The following VAV3 variants were observed in gnomAD, a reference collection of about 807,000 sequenced individuals.
VAV3 encodes the protein guanine nucleotide exchange factor VAV3.
A neutral mutation model predicts 131.2 loss-of-function variants in VAV3; 94 were observed. That is an observed-to-expected ratio of 0.72 (90% CI 0.61 to 0.85). VAV3 has a LOEUF of 0.85. VAV3 is among the 40% of genes least tolerant of loss of function. VAV3 has a pLI of 0.00. For synonymous variants in VAV3, 349 were observed against 342.0 expected (o/e 1.02, Z -0.22); for missense variants, 939 against 1,002.7 (o/e 0.94, Z 0.86).
rs2101798539 is a variant in VAV3 at position 107,694,074 on chromosome 1, A to G, written c.1706-5668T>C. 1.3e-5 allele frequency among the ~76,000 whole-genome samples: 2 copies of G among 152,320 alleles called. 1 individual carries two copies. Among genetic ancestry groups the G allele is most frequent in the South Asian group, 4.1e-4 (2 of 4,830 alleles). ...CCACTGAACTCACAGTAAACAGTGCATGTGTGAGAAATAAACTTTTATATC... is the reference window on the plus strand; with the variant it reads ...CCACTGAACTCACAGTAAACAGTGCGTGTGTGAGAAATAAACTTTTATATC... On this transcript the variant is annotated intron_variant, in intron 17 of 26. Coordinates refer to ENST00000370056, the MANE Select transcript of VAV3 (RefSeq NM_006113.5).
intron 2 of VAV3, among the ~76,000 whole-genome samples, chr1:107,842,352 G>A (rs561820592): frequency 6.6e-6 from 1 of 152,332 alleles, no homozygotes; most frequent in East Asian, 1.9e-4. Flanking sequence ...AGTGGCCCAG[G>A]AGTGAACAGC....
chr1:107,695,303 A>T (rs1259137331), intron 17 of VAV3, among the ~76,000 whole-genome samples: 1 of 152,282 alleles, frequency 6.6e-6, no homozygotes, highest in African/African-American at 2.4e-5. Context: ...TAATTTTATA[A>T]ATTATGTAAG....
intron 25 of VAV3, among the ~76,000 whole-genome samples, chr1:107,577,887 C>G (rs1246914389): frequency 6.6e-6 from 1 of 152,156 alleles, no homozygotes; most frequent in African/African-American, 2.4e-5. Flanking sequence ...ATGGCCTAAT[C>G]TGAACTGTGA....
rs554308999 is a variant in VAV3, at chr1:107,861,146, T to C, written c.321+13755A>G. Among the ~76,000 whole-genome samples, 10 of 151,674 alleles carry C rather than the reference T, an allele frequency of 6.6e-5. 2 individuals are homozygous for C. In the South Asian group the frequency reaches 2.1e-3, roughly 32 times the overall value. On this transcript the variant is annotated intron_variant, in intron 2 of 26. Coordinates refer to ENST00000370056, the MANE Select transcript of VAV3 (RefSeq NM_006113.5). ...AATACTGCAGAAGGGATTCCAACCA[T>C]GAATCCAAAACAGTATAGAAAAAAA...
intron 1 of VAV3, among the ~76,000 whole-genome samples, chr1:107,891,187 T>G (rs371241020): frequency 4.5e-4 from 69 of 152,108 alleles, no homozygotes; most frequent in African/African-American, 1.6e-3. Flanking sequence ...ATAAATTGCA[T>G]AGTCATTCAT....
At chr1:107,951,601 A>G (rs1450700462) in intron 1 of VAV3, among the ~76,000 whole-genome samples, 7 of 152,198 alleles carry the variant, frequency 4.6e-5, no homozygotes, top group Non-Finnish European at 1.5e-5. Flanking sequence ...TCCAGCATCT[A>G]TAAGGAACTT....
intron 25 of VAV3, chr1:107,578,677 C>T (rs1166249346): frequency 2.1e-5 from 12 of 570,976 alleles, no homozygotes; most frequent in African/African-American, 1.2e-4. Flanking sequence ...TACACGATCT[C>T]GGCTCACTGC....
rs1290717101 is a variant in VAV3, at chr1:107,571,173, CTATT to C, written c.*2154_*2157del. On this transcript the variant is annotated 3_prime_UTR_variant, in exon 27 of 27. Coordinates refer to ENST00000370056, the MANE Select transcript of VAV3 (RefSeq NM_006113.5). Reference sequence around the variant, plus strand: ...CAACTCTTAGAAATCAATTTAGTCACTATTTATTATATTGACATATTTACAAAAT... The same window carrying C: ...CAACTCTTAGAAATCAATTTAGTCACTATTATATTGACATATTTACAAAAT... The C allele has an allele frequency of 6.6e-6, 1 of 152,666 alleles. No homozygotes were observed. Among genetic ancestry groups the C allele is most frequent in the Non-Finnish European group, 1.5e-5 (1 of 68,046 alleles). The allele number at this position is 152,666 out of a possible 1,614,324, so 9.5% of individuals were successfully genotyped here.
At chr1:107,936,465 G>T (rs1412656) in intron 1 of VAV3, among the ~76,000 whole-genome samples, 9 of 152,242 alleles carry the variant, frequency 5.9e-5, no homozygotes, top group Admixed American at 3.9e-4. Context: ...TTGTCTTACC[G>T]AGTTTTTAAA....
At chr1:107,843,248 C>T (rs999092206) in intron 2 of VAV3, among the ~76,000 whole-genome samples, 1 of 151,614 alleles carries the variant, frequency 6.6e-6, no homozygotes, top group African/African-American at 2.4e-5. Flanking sequence ...GAGTAAGTTT[C>T]CTATAAACCT....
intron 19 of VAV3, among the ~76,000 whole-genome samples, chr1:107,675,320 C>A (rs1356958990): frequency 6.6e-6 from 1 of 152,150 alleles, no homozygotes; most frequent in South Asian, 2.1e-4. Context: ...CTCATTTAAT[C>A]TTCATAATAA....
chr1:107,784,874 G>A (rs1409763778), intron 2 of VAV3, among the ~76,000 whole-genome samples: 1 of 152,228 alleles, frequency 6.6e-6, no homozygotes, highest in Non-Finnish European at 1.5e-5. Context: ...AATAGTTGAA[G>A]AATCCATTGT....
intron 2 of VAV3, among the ~76,000 whole-genome samples, chr1:107,850,335 T>C (rs1437983016): frequency 2.0e-5 from 3 of 152,150 alleles, no homozygotes; most frequent in Non-Finnish European, 4.4e-5. Flanking sequence ...TGCCCATCAA[T>C]GATAGACTGG....
Position 107,573,143 on chromosome 1 carries a change from A to G in VAV3, c.*188T>C. ...TTTCTTGCACAGCTCTAGGCAAGCC[A>G]TTAATCTGTCAGTACCAGCATCTTT... On this transcript the variant is annotated 3_prime_UTR_variant, in exon 27 of 27. Transcript: ENST00000370056. 1 of 660,634 alleles carries G rather than the reference A, an allele frequency of 1.5e-6. No individual in the cohort carries two copies. Among genetic ancestry groups the G allele is most frequent in the Non-Finnish European group, 2.5e-6 (1 of 396,534 alleles). The allele number at this position is 660,634 out of a possible 1,614,324, so 40.9% of individuals were successfully genotyped here.
intron 2 of VAV3, among the ~76,000 whole-genome samples, chr1:107,811,495 G>A (rs1191003832): frequency 6.6e-6 from 1 of 152,144 alleles, no homozygotes; most frequent in Non-Finnish European, 1.5e-5. Context: ...TGGGAGTAAT[G>A]CTTACCAAAA....
intron 2 of VAV3, among the ~76,000 whole-genome samples, chr1:107,818,456 G>A (rs1428807870): frequency 6.6e-5 from 10 of 151,024 alleles, no homozygotes; most frequent in Admixed American, 5.9e-4. Context: ...AAAGAGGGAA[G>A]GAGGGGAAAG....
At chr1:107,908,380 C>T (rs576835644) in intron 1 of VAV3, among the ~76,000 whole-genome samples, 1 of 152,108 alleles carries the variant, frequency 6.6e-6, no homozygotes, top group South Asian at 2.1e-4. Flanking sequence ...TCTTGATATC[C>T]TCAAAGTAAG....
intron 2 of VAV3, among the ~76,000 whole-genome samples, chr1:107,826,520 G>C (rs1485360197): frequency 6.6e-6 from 1 of 152,044 alleles, no homozygotes; most frequent in African/African-American, 2.4e-5. Flanking sequence ...TGTCGTTTTT[G>C]GAAAAAATGA....
chr1:107,917,190 A>G (rs1672665522), intron 1 of VAV3, among the ~76,000 whole-genome samples: 1 of 152,176 alleles, frequency 6.6e-6, no homozygotes, highest in South Asian at 2.1e-4. Flanking sequence ...GAACCCACGC[A>G]AGAGATGAGA....
Sources: gnomAD v4.1 joint callset for allele counts (sites outside exome capture counted in the v4.1 genomes callset) on GRCh38, gnomAD v4.1.1 for gene constraint, MANE v1.5 for transcripts, NCBI Gene and HGNC (gene_info 2026-07-23, HGNC 2026-07-21) for gene names.